The following COG2 variants were observed in gnomAD, a reference collection of about 807,000 sequenced individuals.
COG2 encodes conserved oligomeric Golgi complex subunit 2.
In COG2, 52 loss-of-function variants were observed where a neutral mutation model predicts 90.6. That is an observed-to-expected ratio of 0.57 (90% CI 0.46 to 0.72). COG2 has a LOEUF of 0.72. Among genes scored for constraint, COG2 ranks in the 30% least tolerant of loss-of-function variants. The pLI is 0.00. For synonymous variants in COG2, 337 were observed against 320.4 expected, an observed-to-expected ratio of 1.05 and a Z score of -0.55; for missense variants, 829 against 891.2, an observed-to-expected ratio of 0.93 and a Z score of 0.89.
chr1:230,689,990 T>C (rs746537709), intron 15 of COG2, 24 bp from the exon 16 acceptor site: 1 of 1,550,000 alleles, frequency 6.5e-7, no homozygotes, highest in Non-Finnish European at 8.7e-7. Context: ...TGTGCATCTT[T>C]ATCTCCTACC....
Position 230,690,948 on chromosome 1 carries a change from T to C in COG2, c.1935-436T>C, listed in dbSNP as rs1441839413. Among the ~76,000 whole-genome samples, 3 of 152,190 alleles carry C rather than the reference T, an allele frequency of 2.0e-5. No homozygotes were observed. The South Asian group carries it at 6.2e-4, about 32-fold the overall frequency. On this transcript the variant is annotated intron_variant, in intron 16 of 17. Transcript: ENST00000366669. ...CTTTATTTAAAATTCTGAAATACTT[T>C]TACACTCTAAAAGATGAACTGTTCC...
At chr1:230,676,841 T>G (rs187466506) in intron 9 of COG2, among the ~76,000 whole-genome samples, 4 of 152,340 alleles carry the variant, frequency 2.6e-5, no homozygotes, top group Non-Finnish European at 4.4e-5. Flanking sequence ...TGTTGTCTTT[T>G]GAGTTGCATT....
At chr1:230,666,952 A>G (rs1303717493) in intron 5 of COG2, among the ~76,000 whole-genome samples, 2 of 152,216 alleles carry the variant, frequency 1.3e-5, no homozygotes, top group Non-Finnish European at 1.5e-5. Flanking sequence ...GAAAGTACAA[A>G]CAAGACACTA....
chr1:230,692,716 C>T (rs892602943), intron 17 of COG2, among the ~76,000 whole-genome samples: 1 of 143,052 alleles, frequency 7.0e-6, no homozygotes, highest in African/African-American at 2.5e-5. Flanking sequence ...TGTATCTTCC[C>T]GGATCTTTCT....
At chr1:230,673,099 A>T (rs1662493688) in intron 8 of COG2, among the ~76,000 whole-genome samples, 1 of 152,206 alleles carries the variant, frequency 6.6e-6, no homozygotes, top group Non-Finnish European at 1.5e-5. Context: ...ATAAGAACAT[A>T]GTAGAAATCA....
chr1:230,663,309 T>A (rs778719161), intron 4 of COG2, 88 bp downstream of exon 4: 1 of 873,352 alleles, frequency 1.1e-6, no homozygotes, highest in Non-Finnish European at 1.8e-6. Context: ...TCTGATTTAC[T>A]CTTCTTGATA....
chr1:230,660,421 G>A (rs1280313330), intron 2 of COG2, among the ~76,000 whole-genome samples: 1 of 152,122 alleles, frequency 6.6e-6, no homozygotes, highest in Admixed American at 6.5e-5. Flanking sequence ...GTTGAATATT[G>A]TAAATTACAG....
intron 1 of COG2, among the ~76,000 whole-genome samples, chr1:230,654,679 C>T (rs1046002738): frequency 2.6e-5 from 4 of 152,166 alleles, no homozygotes; most frequent in East Asian, 3.8e-4. Flanking sequence ...CTGTAAATTA[C>T]TTTGGGCAGT....
chr1:230,674,984 C>T lies in COG2; in HGVS notation c.900-14C>T. Reference sequence around the variant, plus strand: ...TTATGGTATATTTTACTGATATGTGCCCTTATTTTACAGTGAAAAAGGCAA... The same window carrying T: ...TTATGGTATATTTTACTGATATGTGTCCTTATTTTACAGTGAAAAAGGCAA... On this transcript the variant is annotated splice_polypyrimidine_tract_variant and intron_variant, in intron 8 of 17. Transcript: ENST00000366669. 1.3e-6 allele frequency: 2 copies of T among 1,594,472 alleles called. No individual in the cohort carries two copies. The highest frequency in any genetic ancestry group is 2.3e-5 in the East Asian group (1 of 44,194).
rs1052765793 is a variant in COG2, at chr1:230,642,537, C to G, written c.-70C>G. The G allele has an allele frequency of 4.7e-6, 7 of 1,498,228 alleles. No homozygotes were observed. The African/African-American group carries it at 6.9e-5, about 15-fold the overall frequency. The allele number at this position is 1,498,228 out of a possible 1,614,324, so 92.8% of individuals were successfully genotyped here. ...GGAAACTGGCGGTGGCCGCGGCCGC[C>G]GAGTCGGTCTGCGCAGCCTCCTGCG... On this transcript the variant is annotated 5_prime_UTR_variant, in exon 1 of 18. Transcript: ENST00000366669.
At chr1:230,687,591 A>G (rs1662912756) in intron 13 of COG2, among the ~76,000 whole-genome samples, 1 of 152,184 alleles carries the variant, frequency 6.6e-6, no homozygotes, top group Admixed American at 6.5e-5. Flanking sequence ...AAAATATTAA[A>G]ACTTCTTCCT....
intron 1 of COG2, among the ~76,000 whole-genome samples, chr1:230,644,434 T>G (rs1193728634): frequency 6.6e-6 from 1 of 152,236 alleles, no homozygotes; most frequent in Non-Finnish European, 1.5e-5. Flanking sequence ...GTCCAGGCTA[T>G]ATTTCTATGT....
intron 5 of COG2, 107 bp downstream of exon 5, chr1:230,664,694 G>A: frequency 1.8e-6 from 1 of 552,250 alleles, no homozygotes. Flanking sequence ...CCAGTCTATG[G>A]CTTAGTGTTT....
At chr1:230,678,866 C>T (rs1662663054) in intron 9 of COG2, 47 bp from the exon 10 acceptor site, 1 of 1,595,608 alleles carries the variant, frequency 6.3e-7, no homozygotes, top group Non-Finnish European at 8.5e-7. Context: ...GCTCCCTGTT[C>T]TAGTTAGTGT....
rs115760539 is a variant in COG2, at chr1:230,650,400, T to C, written c.72+7722T>C. Reference sequence around the variant, plus strand: ...GACTTTTTAATAAAAGCTGTTCTGATTGGTGTTAGATGGTATCTCATTGTA... The same window carrying C: ...GACTTTTTAATAAAAGCTGTTCTGACTGGTGTTAGATGGTATCTCATTGTA... On this transcript the variant is annotated intron_variant, in intron 1 of 17. Transcript: ENST00000366669. Among the ~76,000 whole-genome samples the C allele has an allele frequency of 2.1e-3, 322 of 152,264 alleles. 2 individuals carry two copies. The highest frequency in any genetic ancestry group is 7.5e-3 in the African/African-American group (311 of 41,576).
chr1:230,653,112 A>C (rs1331947956), intron 1 of COG2, among the ~76,000 whole-genome samples: 1 of 152,182 alleles, frequency 6.6e-6, no homozygotes, highest in Non-Finnish European at 1.5e-5. Context: ...TTTGTCTTAT[A>C]ACTGAAAGTT....
chr1:230,678,745 A>G (rs1286514010), intron 9 of COG2, 168 bp from the exon 10 acceptor site: 12 of 1,518,826 alleles, frequency 7.9e-6, no homozygotes, highest in Non-Finnish European at 1.1e-5. Context: ...GCATTTATGT[A>G]TCTTTAAATG....
intron 1 of COG2, among the ~76,000 whole-genome samples, chr1:230,644,160 C>T (rs1212772674): frequency 6.6e-6 from 1 of 152,164 alleles, no homozygotes; most frequent in Non-Finnish European, 1.5e-5. Context: ...TAAAATAGAA[C>T]TTAGAGTGCA....
chr1:230,664,213 G>A (rs1662257662), intron 4 of COG2, among the ~76,000 whole-genome samples: 1 of 150,498 alleles, frequency 6.6e-6, no homozygotes, highest in Non-Finnish European at 1.5e-5. Context: ...AAAGAAAGAA[G>A]GAATAAGGAT....
Sources: gnomAD v4.1 joint callset for allele counts (sites outside exome capture counted in the v4.1 genomes callset) on GRCh38, gnomAD v4.1.1 for gene constraint, MANE v1.5 for transcripts, NCBI Gene and HGNC (gene_info 2026-07-23, HGNC 2026-07-21) for gene names.